The following CNTN5 variants were observed in gnomAD, a reference collection of about 807,000 sequenced individuals.
CNTN5 encodes contactin-5.
CNTN5 carries 77 observed loss-of-function variants against 129.1 expected under a neutral mutation model. The ratio of observed to expected loss-of-function variants is 0.60; its 90% CI spans 0.50 to 0.72. The LOEUF is 0.72. Among genes scored for constraint, CNTN5 ranks in the 30% least tolerant of loss-of-function variants. The pLI is 0.00. For synonymous variants in CNTN5, 509 were observed against 465.6 expected, an observed-to-expected ratio of 1.09 and a Z score of -1.20; for missense variants, 1,478 against 1,328.8, an observed-to-expected ratio of 1.11 and a Z score of -1.75.
At chr11:99,653,010 A>G (rs1427988076) in intron 3 of CNTN5, among the ~76,000 whole-genome samples, 1 of 152,000 alleles carries the variant, frequency 6.6e-6, no homozygotes, top group African/African-American at 2.4e-5. Context: ...GATTTAAATG[A>G]CCTTCAAAAG....
rs1403609450 is a variant in CNTN5 at position 100,229,955 on chromosome 11, G to A, written c.2005+5143G>A. Among the ~76,000 whole-genome samples the A allele has an allele frequency of 3.3e-5, 5 of 152,232 alleles. No homozygotes were observed. The East Asian group carries it at 9.7e-4, about 29-fold the overall frequency. ...TGGTTGAGTAATGATTTGAACGCAA[G>A]AGAGTCTCCAGTGAAAAAGACAAAA... On this transcript the variant is annotated intron_variant, in intron 16 of 24. Coordinates refer to ENST00000524871, the MANE Select transcript of CNTN5 (RefSeq NM_014361.4).
chr11:99,087,003 A>T (rs1268561947), intron 1 of CNTN5, among the ~76,000 whole-genome samples: 2 of 152,180 alleles, frequency 1.3e-5, no homozygotes, highest in African/African-American at 4.8e-5. Flanking sequence ...CAGTAAACTG[A>T]CCATTATCAC....
At chr11:99,625,371 T>G (rs1414320238) in intron 3 of CNTN5, among the ~76,000 whole-genome samples, 4 of 152,170 alleles carry the variant, frequency 2.6e-5, no homozygotes, top group Non-Finnish European at 2.9e-5. Context: ...ATTTGGAAAG[T>G]CATGAGTCTA....
At chr11:100,246,824 G>A (rs1457689123) in intron 16 of CNTN5, among the ~76,000 whole-genome samples, 1 of 152,100 alleles carries the variant, frequency 6.6e-6, no homozygotes, top group African/African-American at 2.4e-5. Context: ...ACACTAATCT[G>A]TTAAGCTAAT....
At chr11:100,277,630 C>A (rs951861807) in intron 18 of CNTN5, among the ~76,000 whole-genome samples, 1 of 152,022 alleles carries the variant, frequency 6.6e-6, no homozygotes, top group Non-Finnish European at 1.5e-5. Context: ...TGAGAAATGT[C>A]TTTTCAAATC....
chr11:99,866,173 G>T (rs1348158), intron 6 of CNTN5, among the ~76,000 whole-genome samples: 1 of 152,190 alleles, frequency 6.6e-6, no homozygotes, highest in South Asian at 2.1e-4. Context: ...GACTTGTCAC[G>T]AATGGTTTTG....
chr11:99,089,920 T>A (rs927877061), intron 1 of CNTN5, among the ~76,000 whole-genome samples: 2 of 152,160 alleles, frequency 1.3e-5, no homozygotes, highest in African/African-American at 4.8e-5. Flanking sequence ...AAATATCAGT[T>A]TTTCAATGGT....
At chr11:99,583,083 G>C (rs1180094585) in intron 3 of CNTN5, among the ~76,000 whole-genome samples, 1 of 152,196 alleles carries the variant, frequency 6.6e-6, no homozygotes, top group Non-Finnish European at 1.5e-5. Context: ...GTTTACTGGA[G>C]GTCCACTCTA....
chr11:100,257,095 G>A lies in CNTN5; in HGVS notation c.2164+1177G>A, dbSNP rs190446257. The stretch of plus-strand genomic sequence containing the variant: ...AGTTGACCTGGGATGCTTGAGCTTG[G>A]TCAGGGGAGGGGTGTCCACCATTAC... On this transcript the variant is annotated intron_variant, in intron 17 of 24. Coordinates refer to ENST00000524871, the MANE Select transcript of CNTN5 (RefSeq NM_014361.4). Among the ~76,000 whole-genome samples the A allele has an allele frequency of 7.9e-5, 12 of 152,228 alleles. No individual in the cohort carries two copies. The East Asian group carries it at 2.1e-3, about 27-fold the overall frequency.
intron 3 of CNTN5, among the ~76,000 whole-genome samples, chr11:99,729,381 C>T (rs757259063): frequency 8.5e-5 from 13 of 152,092 alleles, no homozygotes; most frequent in South Asian, 6.2e-4. Context: ...GTTCGTTGTA[C>T]GGATTATTTC....
chr11:99,023,144 A>G (rs1430198473), intron 1 of CNTN5, among the ~76,000 whole-genome samples: 1 of 152,224 alleles, frequency 6.6e-6, no homozygotes, highest in East Asian at 1.9e-4. Context: ...TACTTCAAGT[A>G]TTAGGTGGTC....
chr11:100,091,988 G>C (rs931963134), intron 13 of CNTN5, among the ~76,000 whole-genome samples: 8 of 152,068 alleles, frequency 5.3e-5, no homozygotes, highest in African/African-American at 1.9e-4. Flanking sequence ...TATGAGGAAT[G>C]AATGAGACAG....
chr11:99,386,404 C>G (rs117308369), intron 2 of CNTN5, among the ~76,000 whole-genome samples: 35 of 152,294 alleles, frequency 2.3e-4, no homozygotes, highest in African/African-American at 7.5e-4. Context: ...ATATGCTAAA[C>G]AAGGAGTGGA....
At chr11:100,254,431 C>G (rs1950027616) in intron 16 of CNTN5, among the ~76,000 whole-genome samples, 1 of 152,106 alleles carries the variant, frequency 6.6e-6, no homozygotes, top group African/African-American at 2.4e-5. Flanking sequence ...CTTCATTTAT[C>G]TTAGAGGAAA....
At chr11:99,837,671 T>C (rs1345917121) in intron 4 of CNTN5, among the ~76,000 whole-genome samples, 3 of 141,304 alleles carry the variant, frequency 2.1e-5, no homozygotes, top group Admixed American at 7.5e-5. Context: ...AGCCAGTACT[T>C]GCCACACATG....
intron 4 of CNTN5, among the ~76,000 whole-genome samples, chr11:99,840,029 T>C (rs1436467462): frequency 1.3e-5 from 2 of 152,060 alleles, no homozygotes; most frequent in Non-Finnish European, 2.9e-5. Context: ...CACCAAGACA[T>C]ATCCCTCAAA....
At chr11:99,230,340 T>C (rs1860927768) in intron 1 of CNTN5, among the ~76,000 whole-genome samples, 1 of 152,110 alleles carries the variant, frequency 6.6e-6, no homozygotes, top group Non-Finnish European at 1.5e-5. Flanking sequence ...TAGATAGCAA[T>C]CATGAAATCT....
intron 1 of CNTN5, among the ~76,000 whole-genome samples, chr11:99,282,659 C>G (rs1245802493): frequency 6.6e-6 from 1 of 152,032 alleles, no homozygotes; most frequent in African/African-American, 2.4e-5. Flanking sequence ...CTGGGGCGGT[C>G]TTTTGGAAAG....
intron 3 of CNTN5, among the ~76,000 whole-genome samples, chr11:99,593,452 A>C (rs545621424): frequency 3.3e-5 from 5 of 152,154 alleles, no homozygotes; most frequent in Non-Finnish European, 5.9e-5. Flanking sequence ...GTGCAGTTTC[A>C]CTCCTAAACT....
Sources: allele counts gnomAD v4.1 joint callset (sites outside exome capture counted in the v4.1 genomes callset), GRCh38; gene constraint gnomAD v4.1.1; transcripts MANE v1.5; gene names NCBI Gene and HGNC (gene_info 2026-07-23, HGNC 2026-07-21).